ZNF451: variants seen among roughly 807,000 people sequenced by gnomAD.
The protein encoded by ZNF451 is zinc finger protein 451.
Under a neutral mutation model 107.1 loss-of-function variants are expected in ZNF451, and 80 were observed. That is an observed-to-expected ratio of 0.75 (90% CI 0.62 to 0.90). The LOEUF is 0.90. Ranked by LOEUF, ZNF451 falls within the 40% of genes least tolerant of loss-of-function variation. The pLI, the probability that ZNF451 is intolerant of heterozygous loss-of-function variation, is 0.00. For synonymous variants in ZNF451, 362 were observed against 406.5 expected, an observed-to-expected ratio of 0.89 and a Z score of 1.32; for missense variants, 1,107 against 1,236.2, an observed-to-expected ratio of 0.90 and a Z score of 1.57.
At chr6:57,092,982 T>A (rs1829120411) in intron 2 of ZNF451, 1 of 152,222 alleles carries the variant, frequency 6.6e-6, no homozygotes, top group Non-Finnish European at 1.5e-5. Flanking sequence ...TTGCAAAGCC[T>A]CATACATCTA....
rs189942787 is a variant in ZNF451, at chr6:57,132,862, A to G, written c.425-180A>G. 1.6e-3 allele frequency among the ~76,000 whole-genome samples: 239 copies of G among 151,838 alleles called. 1 individual carries two copies. Among genetic ancestry groups the G allele is most frequent in the African/African-American group, 5.6e-3 (232 of 41,456 alleles). On this transcript the variant is annotated intron_variant, in intron 5 of 14. Transcript: ENST00000370706. ...TGATATTAAGGGCTTTTTTTTGGTC[A>G]TAACTTATTTACTTTTAGGTTATTA...
chr6:57,153,826 T>C (rs375124600), intron 12 of ZNF451, 35 bp from the exon 13 acceptor site: 1 of 1,607,650 alleles, frequency 6.2e-7, no homozygotes, highest in Non-Finnish European at 8.5e-7. Context: ...CTCATGCTGA[T>C]TTTTTATCAA....
intron 3 of ZNF451, chr6:57,124,443 C>T: frequency 1.4e-6 from 1 of 716,396 alleles, no homozygotes. Context: ...CGGCGCTTTG[C>T]CTGATGACCC....
chr6:57,157,419 C>A (rs1046758131), intron 13 of ZNF451, among the ~76,000 whole-genome samples: 1 of 152,048 alleles, frequency 6.6e-6, no homozygotes, highest in Admixed American at 6.5e-5. Flanking sequence ...GGTGTCCAGT[C>A]ATTTGTTCCT....
chr6:57,095,811 TTTTTTGTTG>T (rs978590589), intron 2 of ZNF451, among the ~76,000 whole-genome samples: 13 of 130,932 alleles, frequency 9.9e-5, no homozygotes, highest in East Asian at 2.3e-4. Context: ...GCAGCTTTTT[TTTTTTGTTG>T]TTGTTGTTGT....
intron 2 of ZNF451, among the ~76,000 whole-genome samples, chr6:57,093,590 T>C (rs751337205): frequency 1.7e-4 from 26 of 152,218 alleles, no homozygotes; most frequent in Non-Finnish European, 3.2e-4. Context: ...AGTATGTAAA[T>C]AGTCCTTAGA....
At position 57,148,658 on chromosome 6, in the gene ZNF451, AAG is replaced by A; in HGVS notation, c.2574_2575del (p.Gly859SerfsTer2). On this transcript the variant is annotated frameshift_variant, in exon 10 of 15. Transcript: ENST00000370706. LOFTEE classifies it high-confidence loss of function. ...TATTCAAAAAGTTTAGACATGGAGA[AAG>A]GAGTTGAGAATGACCTAAGCTATCA... 1 of 1,613,108 alleles carries A rather than the reference AAG, an allele frequency of 6.2e-7. No homozygotes were observed. The highest frequency in any genetic ancestry group is 1.7e-5 in the Admixed American group (1 of 59,910).
At position 57,109,553 on chromosome 6, in the gene ZNF451, A is replaced by G. The variant is rs1323590572; in HGVS notation, c.186+10412A>G. On this transcript the variant is annotated intron_variant, in intron 3 of 14. Coordinates refer to ENST00000370706, the MANE Select transcript of ZNF451 (RefSeq NM_001031623.3). ...TGTTTCTATTCATATTGGATATGGT[A>G]TTCTATGGTATTGGCTATAGATACA... The G allele has an allele frequency of 7.1e-6, 7 of 985,084 alleles. No individual in the cohort carries two copies. In the African/African-American group the frequency reaches 1.2e-4, roughly 17 times the overall value. The allele number at this position is 985,084 out of a possible 1,614,324, so 61.0% of individuals were successfully genotyped here.
intron 3 of ZNF451, among the ~76,000 whole-genome samples, chr6:57,123,627 C>G (rs1362841104): frequency 6.6e-6 from 1 of 151,734 alleles, no homozygotes. Context: ...GCAGTATACC[C>G]TTGTAACAAA....
In ZNF451 at chr6:57,148,455, G is replaced by T; in HGVS notation, c.2370G>T (p.Lys790Asn). The T allele has an allele frequency of 6.2e-7, 1 of 1,614,038 alleles. No homozygotes were observed. The stretch of plus-strand genomic sequence containing the variant: ...AGGAGGAGCAGCAGTATGTAATCAA[G>T]TGTGGCACCTGCACCAAAGCATTTC... The part of the protein sequence containing the change: ...SDEEEQQYVI[K>N]CGTCTKAFHD... The change falls in exon 10 of 15, where the codon AAG becomes AAT. Residue 790 changes from lysine (K) to asparagine (N), a missense_variant. Lys to Asn is a moderately conservative substitution (Grantham distance 94). Around this residue, in one of 5 missense-constraint regions of ZNF451, gnomAD observed 608 missense variants for 649.2 expected, o/e 0.94. Coordinates refer to ENST00000370706, the MANE Select transcript of ZNF451 (RefSeq NM_001031623.3).
In ZNF451 at chr6:57,154,309, T is replaced by C. The variant is rs1421782637; in HGVS notation, c.3070+262T>C. The C allele has an allele frequency of 5.6e-6, 3 of 539,098 alleles. No individual in the cohort carries two copies. The African/African-American group carries it at 5.7e-5, about 10-fold the overall frequency. The allele number at this position is 539,098 out of a possible 1,614,324, so 33.4% of individuals were successfully genotyped here. On this transcript the variant is annotated intron_variant, in intron 13 of 14. Transcript: ENST00000370706. ...TCTATATTGATGTATATAAAACATATATTCATGTGTTACAGTATGTTACTA... is the reference window on the plus strand; with the variant it reads ...TCTATATTGATGTATATAAAACATACATTCATGTGTTACAGTATGTTACTA...
At chr6:57,137,850 A>G (rs1337936953) in intron 7 of ZNF451, among the ~76,000 whole-genome samples, 1 of 152,220 alleles carries the variant, frequency 6.6e-6, no homozygotes, top group Admixed American at 6.5e-5. Context: ...GAATCACACA[A>G]TATACAGCCT....
At chr6:57,138,796 T>TTC (rs1831601752) in intron 7 of ZNF451, among the ~76,000 whole-genome samples, 1 of 138,152 alleles carries the variant, frequency 7.2e-6, no homozygotes, top group Non-Finnish European at 1.6e-5. Flanking sequence ...TATAAAATTT[T>TTC]TTTTTTTTTT....
chr6:57,107,346 C>T (rs1195331432), intron 3 of ZNF451: 2 of 984,194 alleles, frequency 2.0e-6, no homozygotes, highest in Non-Finnish European at 2.4e-6. Flanking sequence ...TATTTAAATA[C>T]CATGTCTTTA....
intron 7 of ZNF451, among the ~76,000 whole-genome samples, chr6:57,140,450 T>C (rs1168525199): frequency 6.6e-6 from 1 of 152,056 alleles, no homozygotes; most frequent in Non-Finnish European, 1.5e-5. Flanking sequence ...ATCTGTAATA[T>C]ATATTACTGC....
chr6:57,136,534 A>T (rs1831435295), intron 7 of ZNF451, among the ~76,000 whole-genome samples: 1 of 152,208 alleles, frequency 6.6e-6, no homozygotes, highest in Non-Finnish European at 1.5e-5. Flanking sequence ...TGAAGAAAGA[A>T]ATGATAGGGT....
chr6:57,138,170 C>G (rs903719315), intron 7 of ZNF451, among the ~76,000 whole-genome samples: 3 of 151,738 alleles, frequency 2.0e-5, no homozygotes, highest in Non-Finnish European at 1.5e-5. Context: ...AAACTGCTGT[C>G]TAGTGCACTG....
intron 2 of ZNF451, among the ~76,000 whole-genome samples, chr6:57,094,798 C>T (rs942705015): frequency 6.6e-6 from 1 of 152,038 alleles, no homozygotes; most frequent in African/African-American, 2.4e-5. Flanking sequence ...AGGTAATAAA[C>T]ATTGATTTAA....
intron 7 of ZNF451, among the ~76,000 whole-genome samples, chr6:57,137,234 G>A (rs1201638649): frequency 6.6e-6 from 1 of 152,206 alleles, no homozygotes; most frequent in Non-Finnish European, 1.5e-5. Context: ...CTAGAAGATT[G>A]TATAAGCCTC....
Sources: gnomAD v4.1 joint callset for allele counts (sites outside exome capture counted in the v4.1 genomes callset) on GRCh38, gnomAD v4.1.1 for gene constraint, gnomAD v4.1.1 regional missense constraint, MANE v1.5 for transcripts, NCBI Gene and HGNC (gene_info 2026-07-23, HGNC 2026-07-21) for gene names.